The following BCAP31 variants were observed in gnomAD, a reference collection of about 807,000 sequenced individuals.
BCAP31 encodes B cell receptor associated protein 31.
For missense variants in BCAP31, 124 were observed against 193.0 expected, an observed-to-expected ratio of 0.64 and a Z score of 2.12; for synonymous variants, 75 against 80.9, an observed-to-expected ratio of 0.93 and a Z score of 0.39.
intron 6 of BCAP31, 67 bp downstream of exon 6, chrX:153,702,868 G>A: frequency 1.7e-6 from 2 of 1,176,076 alleles, no homozygotes; most frequent in Non-Finnish European, 2.3e-6. Context: ...GCACAAAATG[G>A]GCAGCAGCGG....
At chrX:153,704,404 G>A (rs1213936931) in intron 4 of BCAP31, among the ~76,000 whole-genome samples, 1 of 112,106 alleles carries the variant, frequency 8.9e-6, no homozygotes, top group Non-Finnish European at 1.9e-5. Context: ...TTTCCGGGTC[G>A]GGGCCTAGAC....
At chrX:153,723,583 T>G in intron 1 of BCAP31, 1 of 1,168,102 alleles carries the variant, frequency 8.6e-7, no homozygotes. Context: ...AAGCCCGAGA[T>G]TTCCGACGCC....
chrX:153,716,578 CAAAAAAAA>C (rs782072647), intron 3 of BCAP31, among the ~76,000 whole-genome samples: 8 of 27,363 alleles, frequency 2.9e-4, no homozygotes, highest in Admixed American at 9.1e-4. Flanking sequence ...TCTCTCTCAA[CAAAAAAAA>C]AAAAAAAAAA....
intron 4 of BCAP31, among the ~76,000 whole-genome samples, chrX:153,713,654 A>G: frequency 9.0e-6 from 1 of 111,161 alleles, no homozygotes; most frequent in Non-Finnish European, 1.9e-5. Flanking sequence ...TCTGCAGATG[A>G]TCTCAACAGC....
Position 153,702,959 on chromosome X carries a change from C to G in BCAP31, c.577G>C (p.Asp193His). The G allele has an allele frequency of 8.3e-7, 1 of 1,210,357 alleles. No individual in the cohort carries two copies. The highest frequency in any genetic ancestry group is 1.1e-6 in the Non-Finnish European group (1 of 895,348). ...SLKADLQKLK[D>H]ELASTKQKLE... is the part of the protein sequence containing the mutation. ...CTTTGCTTAGTGCTGGCCAGCTCGT[C>G]CTTTAGCTTCTGCAGGTCAGCCTTC... Residue 193 changes from aspartate (D) to histidine (H), a missense_variant, in exon 6 of 8, where the codon GAC becomes CAC. By Grantham distance (81) the Asp-to-His change is moderately conservative (BLOSUM62 -1). Coordinates refer to ENST00000345046, the MANE Select transcript of BCAP31 (RefSeq NM_001256447.2).
chrX:153,707,157 C>T (rs1557048433), intron 4 of BCAP31, among the ~76,000 whole-genome samples: 1 of 111,266 alleles, frequency 9.0e-6, no homozygotes, highest in East Asian at 2.8e-4. Flanking sequence ...TCTCCCACCC[C>T]ATCAGAGGGA....
chrX:153,702,195 T>C, intron 6 of BCAP31, 88 bp from the exon 7 acceptor site: 3 of 800,522 alleles, frequency 3.7e-6, no homozygotes, highest in South Asian at 2.5e-5. Context: ...CACCAGAAAC[T>C]GGCCCAAATC....
At position 153,723,427 on chromosome X, in the gene BCAP31, G is replaced by A. The variant is rs782023875; in HGVS notation, c.-44-139C>T. The A allele has an allele frequency of 6.2e-6, 7 of 1,129,997 alleles. No homozygotes were observed. In the East Asian group the frequency reaches 2.3e-4, roughly 37 times the overall value. 93.1% of individuals were successfully genotyped at this position (1,129,997 alleles called of 1,213,427 possible). A position where few individuals can be genotyped will look rare whatever the true frequency, so the allele number is the denominator to read the frequency against. On this transcript the variant is annotated intron_variant, in intron 1 of 7. Coordinates refer to ENST00000345046, the MANE Select transcript of BCAP31 (RefSeq NM_001256447.2). ...GCTTCAAAGTCTCTGATGCGCTGGCGGAAGCAGGGCTCCACTCGGCAGGGC... is the reference window on the plus strand; with the variant it reads ...GCTTCAAAGTCTCTGATGCGCTGGCAGAAGCAGGGCTCCACTCGGCAGGGC...
At chrX:153,701,003 G>A (rs1557047257) in intron 7 of BCAP31, 28 bp from the exon 8 acceptor site, 1 of 1,195,974 alleles carries the variant, frequency 8.4e-7, no homozygotes, top group Non-Finnish European at 1.1e-6. Flanking sequence ...TCCCACAGCA[G>A]TAGGTTGGCC....
chrX:153,700,726 A>G lies in BCAP31; in HGVS notation c.*211T>C. 5.1e-6 allele frequency: 2 copies of G among 393,636 alleles called. No homozygotes were observed. Among genetic ancestry groups the G allele is most frequent in the Non-Finnish European group, 8.8e-6 (2 of 227,231 alleles). The allele number at this position is 393,636 out of a possible 1,213,427, so 32.4% of individuals were successfully genotyped here. A position where few individuals can be genotyped will look rare whatever the true frequency, so the allele number is the denominator to read the frequency against. ...TGGCCAGGCCAAGCAGGATGACAGC[A>G]AACGCATTCTGAACGTGTAGCAATC... is the stretch of plus-strand genomic sequence containing the variant. On this transcript the variant is annotated 3_prime_UTR_variant, in exon 8 of 8. Transcript: ENST00000345046.
chrX:153,700,869 G>C lies in BCAP31; in HGVS notation c.*68C>G. On this transcript the variant is annotated 3_prime_UTR_variant, in exon 8 of 8. Coordinates refer to ENST00000345046, the MANE Select transcript of BCAP31 (RefSeq NM_001256447.2). ...AACAGAAGTACTGGAGGGAGAGGCC[G>C]GGCTCTCAGGAAGCAGCAGGCACGT... 2.8e-6 allele frequency: 3 copies of C among 1,077,531 alleles called. No individual in the cohort carries two copies. The highest frequency in any genetic ancestry group is 3.8e-6 in the Non-Finnish European group (3 of 781,610). 88.8% of individuals were successfully genotyped at this position (1,077,531 alleles called of 1,213,427 possible). A position where few individuals can be genotyped will look rare whatever the true frequency, so the allele number is the denominator to read the frequency against.
chrX:153,712,782 T>C (rs2091601415), intron 4 of BCAP31, among the ~76,000 whole-genome samples: 1 of 112,511 alleles, frequency 8.9e-6, no homozygotes, highest in South Asian at 3.7e-4. Context: ...CAGAAATATA[T>C]ACTCCTTGCT....
chrX:153,715,312 G>T, intron 4 of BCAP31: 1 of 433,915 alleles, frequency 2.3e-6, no homozygotes. Flanking sequence ...AGTATGTGGT[G>T]TGTGAGGGTC....
At chrX:153,712,616 C>T (rs1412607318) in intron 4 of BCAP31, among the ~76,000 whole-genome samples, 1 of 110,698 alleles carries the variant, frequency 9.0e-6, no homozygotes, top group Non-Finnish European at 1.9e-5. Context: ...GCTCAGCTGC[C>T]GCACTCTCCC....
Position 153,723,147 on chromosome X carries a change from C to G in BCAP31, c.92+6G>C, listed in dbSNP as rs2091679514. On this transcript the variant is annotated splice_donor_region_variant and intron_variant, in intron 2 of 7. Transcript: ENST00000345046. The stretch of plus-strand genomic sequence containing the variant: ...CTAACTCGCCTGCTTGCTCCATAGG[C>G]CATACCTTTTAGGAGAAATGAAGGG... 8.3e-7 allele frequency: 1 copy of G among 1,207,237 alleles called. No homozygotes were observed. Among genetic ancestry groups the G allele is most frequent in the Non-Finnish European group, 1.1e-6 (1 of 894,413 alleles).
At chrX:153,713,593 T>C (rs183920509) in intron 4 of BCAP31, among the ~76,000 whole-genome samples, 14 of 112,188 alleles carry the variant, frequency 1.2e-4, no homozygotes, top group Admixed American at 2.8e-4. Flanking sequence ...GGCTGCAGTC[T>C]GCCAGTATCT....
chrX:153,723,228 G>A lies in BCAP31; in HGVS notation c.17C>T (p.Thr6Ile), dbSNP rs1557051461. The A allele has an allele frequency of 8.3e-7, 1 of 1,210,178 alleles. No individual in the cohort carries two copies. The highest frequency in any genetic ancestry group is 2.2e-5 in the Admixed American group (1 of 45,988). ...CGCATAGAGGAAGGTGGCAACTGCA[G>A]TCCACTGCAGACTCATCCTGTTGCT... MSLQW[T>I]AVATFLYAEV... The change falls in exon 2 of 8, where the codon ACT becomes ATT. Residue 6 changes from threonine to isoleucine, a missense_variant. By Grantham distance (89) the Thr-to-Ile change is moderately conservative. Transcript: ENST00000345046.
At chrX:153,713,116 AG>A (rs2091603799) in intron 4 of BCAP31, among the ~76,000 whole-genome samples, 1 of 111,251 alleles carries the variant, frequency 9.0e-6, no homozygotes, top group Admixed American at 9.5e-5. Context: ...CTGAGACAGG[AG>A]AATGGCGTGA....
intron 6 of BCAP31, among the ~76,000 whole-genome samples, 153 bp downstream of exon 6, chrX:153,702,782 T>G (rs1303373995): frequency 8.9e-6 from 1 of 112,746 alleles, no homozygotes; most frequent in Non-Finnish European, 1.9e-5. Flanking sequence ...GCATTGGGGT[T>G]GGAGGCGCAG....
Sources: gnomAD v4.1 joint callset for allele counts (sites outside exome capture counted in the v4.1 genomes callset) on GRCh38, gnomAD v4.1.1 for gene constraint, MANE v1.5 for transcripts, NCBI Gene and HGNC (gene_info 2026-07-23, HGNC 2026-07-21) for gene names.